Variants in MTHFD1L observed in about 807,000 individuals in gnomAD.
MTHFD1L encodes methylenetetrahydrofolate dehydrogenase (NADP+ dependent) 1 like, also known as monofunctional C1-tetrahydrofolate synthase, mitochondrial.
A neutral mutation model predicts 119.5 loss-of-function variants in MTHFD1L; 81 were observed. The ratio of observed to expected loss-of-function variants is 0.68; its 90% CI spans 0.57 to 0.82. MTHFD1L has a LOEUF of 0.82. MTHFD1L is among the 40% of genes least tolerant of loss of function. The pLI is 0.00. For missense variants in MTHFD1L, 1,125 were observed against 1,253.4 expected (o/e 0.90, Z 1.55); for synonymous variants, 430 against 475.2 (o/e 0.90, Z 1.24).
intron 26 of MTHFD1L, among the ~76,000 whole-genome samples, chr6:151,091,104 A>T (rs1275464455): frequency 6.9e-6 from 1 of 145,286 alleles, no homozygotes; most frequent in Non-Finnish European, 1.5e-5. Context: ...GTTCCATGCG[A>T]CTGGGTACAG....
In MTHFD1L at chr6:150,940,705, C is replaced by T. The variant is rs534973377; in HGVS notation, c.1440+1960C>T. On this transcript the variant is annotated intron_variant, in intron 13 of 27. Transcript: ENST00000367321. Reference sequence around the variant, plus strand: ...AAGTGATTCTCCTGCCTCAGCCTCCCGAGAAGCTGGGATTACAGGCACCTG... The same window carrying T: ...AAGTGATTCTCCTGCCTCAGCCTCCTGAGAAGCTGGGATTACAGGCACCTG... Among the ~76,000 whole-genome samples the T allele has an allele frequency of 1.7e-4, 26 of 152,138 alleles. 1 individual carries two copies. The South Asian group carries it at 4.2e-3, about 24-fold the overall frequency.
chr6:151,041,898 CT>C, intron 26 of MTHFD1L: 1 of 481,286 alleles, frequency 2.1e-6, no homozygotes, highest in East Asian at 5.8e-5. Flanking sequence ...GATGCTGGAG[CT>C]TTTTTCCGCT....
intron 26 of MTHFD1L, among the ~76,000 whole-genome samples, chr6:151,091,513 A>G (rs1794449068): frequency 6.6e-6 from 1 of 152,020 alleles, no homozygotes; most frequent in Non-Finnish European, 1.5e-5. Context: ...TTTCATCCCA[A>G]CACAGCAAGG....
intron 25 of MTHFD1L, 119 bp from the exon 26 acceptor site, chr6:151,036,846 G>C: frequency 9.9e-7 from 1 of 1,014,024 alleles, no homozygotes; most frequent in South Asian, 1.4e-5. Context: ...AGCAGCTCCT[G>C]CGTGTGCCTC....
intron 13 of MTHFD1L, among the ~76,000 whole-genome samples, chr6:150,939,848 C>G (rs1158018217): frequency 1.3e-5 from 2 of 152,012 alleles, no homozygotes; most frequent in African/African-American, 2.4e-5. Context: ...TTGTGCCTGA[C>G]TGATTTTTTG....
intron 20 of MTHFD1L, among the ~76,000 whole-genome samples, chr6:150,974,709 G>A (rs556334120): frequency 4.9e-4 from 72 of 147,736 alleles, no homozygotes; most frequent in Non-Finnish European, 6.7e-4. Flanking sequence ...TGCAGCAGGC[G>A]TCAGAATTCT....
intron 26 of MTHFD1L, among the ~76,000 whole-genome samples, chr6:151,051,002 C>T (rs1399786593): frequency 2.0e-5 from 3 of 152,126 alleles, no homozygotes; most frequent in African/African-American, 4.8e-5. Context: ...TTAATCTCCA[C>T]TCCCCGCCCT....
At chr6:151,056,356 G>A (rs946216352) in intron 26 of MTHFD1L, among the ~76,000 whole-genome samples, 2 of 152,174 alleles carry the variant, frequency 1.3e-5, no homozygotes, top group African/African-American at 4.8e-5. Context: ...CTGGGCATGG[G>A]AGCACACTCC....
intron 16 of MTHFD1L, among the ~76,000 whole-genome samples, chr6:150,955,082 G>A (rs770456952): frequency 5.9e-5 from 9 of 151,794 alleles, no homozygotes; most frequent in South Asian, 2.1e-4. Flanking sequence ...ACAATTCATG[G>A]CATTAAATAC....
Position 150,877,659 on chromosome 6 carries a change from A to G in MTHFD1L, c.338A>G (p.Glu113Gly), listed in dbSNP as rs780376852. ...IQAGDDNLMQEINQNLAEEAG... is the reference protein window; with the variant it reads ...IQAGDDNLMQGINQNLAEEAG... ...GCAGGTGACGACAACTTGATGCAGGAAATCAACCAGAATTTGGCTGAGGAG... is the reference window on the plus strand; with the variant it reads ...GCAGGTGACGACAACTTGATGCAGGGAATCAACCAGAATTTGGCTGAGGAG... Residue 113 changes from glutamate to glycine, a missense_variant, in exon 3 of 28, where the codon GAA becomes GGA. Physicochemically the swap from Glu to Gly is moderately conservative, Grantham distance 98 (BLOSUM62 -2). Around this residue, in one of 3 missense-constraint regions of MTHFD1L, gnomAD observed 1,058 missense variants for 1,151.2 expected, o/e 0.92. Transcript: ENST00000367321. 1 of 1,614,226 alleles carries G rather than the reference A, an allele frequency of 6.2e-7. No homozygotes were observed. The highest frequency in any genetic ancestry group is 8.5e-7 in the Non-Finnish European group (1 of 1,180,034).
At chr6:150,993,295 G>A (rs1779302940) in intron 20 of MTHFD1L, among the ~76,000 whole-genome samples, 1 of 151,850 alleles carries the variant, frequency 6.6e-6, no homozygotes, top group African/African-American at 2.4e-5. Flanking sequence ...GCAGAATTTA[G>A]AGTAATTTAG....
chr6:151,015,576 T>G lies in MTHFD1L; in HGVS notation c.2469T>G (p.Phe823Leu). The change falls in exon 24 of 28, where the codon TTT becomes TTG. Residue 823 changes from phenylalanine (F) to leucine (L), a missense_variant. Coordinates refer to ENST00000367321, the MANE Select transcript of MTHFD1L (RefSeq NM_015440.5). ...AGCTTGCAAAGCGGGCTGGTGCCTT[T>G]GATGCAGTCCCCTGCTATCACTGGT... ...VCELAKRAGA[F>L]DAVPCYHWSV... is the part of the protein sequence containing the mutation. 3 of 1,614,206 alleles carry G rather than the reference T, an allele frequency of 1.9e-6. 1 individual carries two copies. In the South Asian group the frequency reaches 3.3e-5, roughly 18 times the overall value.
chr6:151,043,258 C>CTTTTTTTTT (rs1170553631), intron 26 of MTHFD1L, among the ~76,000 whole-genome samples: 11 of 78,858 alleles, frequency 1.4e-4, no homozygotes, highest in East Asian at 4.7e-4. Flanking sequence ...AGTGTTTTCT[C>CTTTTTTTTT]TTTTTTTTTT....
At chr6:151,043,258 C>CTCTTT (rs1218969796) in intron 26 of MTHFD1L, among the ~76,000 whole-genome samples, 1 of 78,858 alleles carries the variant, frequency 1.3e-5, no homozygotes, top group African/African-American at 4.8e-5. Context: ...AGTGTTTTCT[C>CTCTTT]TTTTTTTTTT....
intron 26 of MTHFD1L, among the ~76,000 whole-genome samples, chr6:151,089,358 T>G (rs1451872802): frequency 2.0e-5 from 3 of 152,188 alleles, no homozygotes; most frequent in East Asian, 3.9e-4. Context: ...TCCCAGCACT[T>G]TGGGAGGCTG....
rs1338421910 is a variant in MTHFD1L, at chr6:151,047,698, T to C, written c.2847+10581T>C. Among the ~76,000 whole-genome samples, 3 of 152,166 alleles carry C rather than the reference T, an allele frequency of 2.0e-5. No individual in the cohort carries two copies. In the East Asian group the frequency reaches 5.8e-4, roughly 29 times the overall value. ...AATATGTTGTAGAGTGTAGGACCCA[T>C]GAAAGTTACTTACTGTGCTTCCCTG... On this transcript the variant is annotated intron_variant, in intron 26 of 27. Coordinates refer to ENST00000367321, the MANE Select transcript of MTHFD1L (RefSeq NM_015440.5).
intron 26 of MTHFD1L, among the ~76,000 whole-genome samples, chr6:151,085,028 C>T (rs144151540): frequency 0.035 from 4,227 of 121,386 alleles, 239 homozygotes; most frequent in African/African-American, 0.14. Flanking sequence ...TATGTATATA[C>T]ACACACACAC....
intron 24 of MTHFD1L, among the ~76,000 whole-genome samples, chr6:151,025,304 G>T (rs998864871): frequency 6.6e-6 from 1 of 152,228 alleles, no homozygotes; most frequent in Non-Finnish European, 1.5e-5. Flanking sequence ...TCCAGCCAAG[G>T]ACATGCTTTG....
intron 24 of MTHFD1L, chr6:151,016,773 T>G (rs1783132480): frequency 3.8e-6 from 1 of 263,522 alleles, no homozygotes; most frequent in South Asian, 3.4e-5. Context: ...TTAGCCTTTT[T>G]TTTTTTTTTT....
Sources: allele counts gnomAD v4.1 joint callset (sites outside exome capture counted in the v4.1 genomes callset), GRCh38; gene constraint gnomAD v4.1.1; regional missense constraint gnomAD v4.1.1; transcripts MANE v1.5; gene names NCBI Gene and HGNC (gene_info 2026-07-23, HGNC 2026-07-21).